The following MARCHF3 variants were observed in gnomAD, a reference collection of about 807,000 sequenced individuals.
The protein encoded by MARCHF3 is membrane associated ring-CH-type finger 3.
In MARCHF3, 13 loss-of-function variants were observed where a neutral mutation model predicts 24.2. That is an observed-to-expected ratio of 0.54 (90% confidence interval 0.35 to 0.85). MARCHF3 has a LOEUF of 0.85. Among genes scored for constraint, MARCHF3 ranks in the 40% least tolerant of loss-of-function variants. The pLI, the probability that MARCHF3 is intolerant of heterozygous loss-of-function variation, is 0.01. For synonymous variants in MARCHF3, 144 were observed against 137.3 expected (o/e 1.05, Z -0.34); for missense variants, 276 against 325.0 (o/e 0.85, Z 1.16).
At chr5:126,952,603 CCCA>C (rs1297569280) in intron 1 of MARCHF3, among the ~76,000 whole-genome samples, 2 of 152,074 alleles carry the variant, frequency 1.3e-5, no homozygotes, top group Non-Finnish European at 2.9e-5. Context: ...CCCTCCTTTC[CCCA>C]CGTTTTGTTA....
intron 1 of MARCHF3, among the ~76,000 whole-genome samples, chr5:126,919,990 T>C (rs988559204): frequency 2.6e-5 from 4 of 152,212 alleles, no homozygotes; most frequent in South Asian, 2.1e-4. Context: ...CACAGTCAGT[T>C]AGTTGGTATA....
chr5:126,887,388 C>T (rs982513003), intron 3 of MARCHF3, among the ~76,000 whole-genome samples: 3 of 152,182 alleles, frequency 2.0e-5, no homozygotes, highest in Non-Finnish European at 4.4e-5. Context: ...ACAGATATTT[C>T]GTATCCCATT....
At position 126,907,976 on chromosome 5, in the gene MARCHF3, A is replaced by G. The variant is rs7711250; in HGVS notation, c.393+6954T>C. ...GCTGGTACCGGTTGTTCCTTTCCAT[A>G]TTTAGCACTTCCTTCAGGAGCTCTT... On this transcript the variant is annotated intron_variant, in intron 3 of 4. Coordinates refer to ENST00000308660, the MANE Select transcript of MARCHF3 (RefSeq NM_178450.5). 6.4e-3 allele frequency among the ~76,000 whole-genome samples: 974 copies of G among 152,038 alleles called. 9 individuals carry two copies. Among genetic ancestry groups the G allele is most frequent in the African/African-American group, 0.021 (879 of 41,420 alleles).
chr5:126,895,998 G>C (rs1418301791), intron 3 of MARCHF3, among the ~76,000 whole-genome samples: 1 of 152,152 alleles, frequency 6.6e-6, no homozygotes, highest in African/African-American at 2.4e-5. Flanking sequence ...AGCCAGGTGC[G>C]GGATATAATC....
At chr5:126,995,616 T>C (rs1751926193) in intron 1 of MARCHF3, among the ~76,000 whole-genome samples, 1 of 152,264 alleles carries the variant, frequency 6.6e-6, no homozygotes, top group Non-Finnish European at 1.5e-5. Flanking sequence ...CTGAACAATA[T>C]TCACATCCTG....
In MARCHF3 at chr5:126,870,446, T is replaced by C; in HGVS notation, c.*187A>G. On this transcript the variant is annotated 3_prime_UTR_variant, in exon 5 of 5. Coordinates refer to ENST00000308660, the MANE Select transcript of MARCHF3 (RefSeq NM_178450.5). ...TCATATGATTGCAGCATCCATCATT[T>C]GAAGTAAAACAGCATTTGCTTTCTT... 1.9e-6 allele frequency: 1 copy of C among 520,274 alleles called. No homozygotes were observed. The highest frequency in any genetic ancestry group is 3.5e-6 in the Non-Finnish European group (1 of 289,172). The allele number at this position is 520,274 out of a possible 1,614,324, so 32.2% of individuals were successfully genotyped here.
At chr5:126,939,665 T>G (rs1749765004) in intron 1 of MARCHF3, among the ~76,000 whole-genome samples, 1 of 152,142 alleles carries the variant, frequency 6.6e-6, no homozygotes, top group Non-Finnish European at 1.5e-5. Context: ...TTAAACAGAG[T>G]CAGTTCTTGT....
intron 4 of MARCHF3, among the ~76,000 whole-genome samples, chr5:126,876,335 A>G (rs1205887520): frequency 1.3e-5 from 2 of 152,196 alleles, no homozygotes; most frequent in Non-Finnish European, 2.9e-5. Context: ...AAAATTATAG[A>G]CTAGAAAACC....
intron 4 of MARCHF3, among the ~76,000 whole-genome samples, chr5:126,872,689 C>A (rs1368818478): frequency 6.6e-6 from 1 of 152,096 alleles, no homozygotes; most frequent in Non-Finnish European, 1.5e-5. Context: ...GTCTTCATGG[C>A]AGGATCATGA....
chr5:126,874,392 G>A (rs1013130870), intron 4 of MARCHF3, among the ~76,000 whole-genome samples: 4 of 152,126 alleles, frequency 2.6e-5, no homozygotes, highest in Admixed American at 2.6e-4. Flanking sequence ...GTTTGAGACT[G>A]CCTGACCAAC....
intron 1 of MARCHF3, among the ~76,000 whole-genome samples, chr5:126,922,708 G>C (rs1196478752): frequency 6.6e-6 from 1 of 151,918 alleles, no homozygotes. Context: ...CACCATGCCT[G>C]GCTAATTTTT....
chr5:127,006,152 G>A (rs541846553), intron 1 of MARCHF3, among the ~76,000 whole-genome samples: 3 of 148,214 alleles, frequency 2.0e-5, no homozygotes, highest in Non-Finnish European at 3.0e-5. Flanking sequence ...GCAGTGAGCC[G>A]AGATCGCACC....
At chr5:126,914,844 C>T (rs1475946308) in intron 3 of MARCHF3, 86 bp downstream of exon 3, 1 of 1,326,762 alleles carries the variant, frequency 7.5e-7, no homozygotes, top group African/African-American at 1.5e-5. Context: ...TTCAGTAAAG[C>T]TGTACAGGGC....
At position 127,012,711 on chromosome 5, in the gene MARCHF3, C is replaced by T. The variant is rs115947571; in HGVS notation, c.-57+17639G>A. ...GCAAATACCTAGCAAGAAAGCCTTA[C>T]AATACAACAAAATATGCCTGAGGGT... On this transcript the variant is annotated intron_variant, in intron 1 of 4. Coordinates refer to ENST00000308660, the MANE Select transcript of MARCHF3 (RefSeq NM_178450.5). 2.6e-3 allele frequency among the ~76,000 whole-genome samples: 398 copies of T among 152,274 alleles called. 2 individuals are homozygous for T. Among genetic ancestry groups the T allele is most frequent in the African/African-American group, 9.1e-3 (380 of 41,562 alleles).
At chr5:127,011,660 C>T (rs1461604192) in intron 1 of MARCHF3, among the ~76,000 whole-genome samples, 1 of 152,252 alleles carries the variant, frequency 6.6e-6, no homozygotes, top group African/African-American at 2.4e-5. Flanking sequence ...GTGTAGTTTT[C>T]CCCCACATCC....
intron 1 of MARCHF3, among the ~76,000 whole-genome samples, chr5:127,005,133 CTTTTTTTTTT>C (rs937505290): frequency 8.2e-6 from 1 of 122,542 alleles, no homozygotes; most frequent in African/African-American, 3.2e-5. Flanking sequence ...CTCAGAAAGT[CTTTTTTTTTT>C]TTTTTTTTTT....
At chr5:126,970,229 G>A (rs982705937) in intron 1 of MARCHF3, among the ~76,000 whole-genome samples, 2 of 151,654 alleles carry the variant, frequency 1.3e-5, no homozygotes, top group South Asian at 2.1e-4. Flanking sequence ...CTGGGATTAC[G>A]GGCACATGCC....
In MARCHF3 at chr5:126,870,479, A is replaced by T; in HGVS notation, c.*154T>A. The T allele has an allele frequency of 1.7e-6, 1 of 584,538 alleles. No individual in the cohort carries two copies. The highest frequency in any genetic ancestry group is 3.0e-6 in the Non-Finnish European group (1 of 328,612). The allele number at this position is 584,538 out of a possible 1,614,324, so 36.2% of individuals were successfully genotyped here. A position where few individuals can be genotyped will look rare whatever the true frequency, so the allele number is the denominator to read the frequency against. On this transcript the variant is annotated 3_prime_UTR_variant, in exon 5 of 5. Coordinates refer to ENST00000308660, the MANE Select transcript of MARCHF3 (RefSeq NM_178450.5). ...AACAGCATTTGCTTTCTTCTGGCGG[A>T]GGTTGTTGCTTGGAGTGATGTGCTA... is the stretch of plus-strand genomic sequence containing the variant.
intron 1 of MARCHF3, among the ~76,000 whole-genome samples, chr5:126,952,452 C>T (rs771185677): frequency 2.4e-4 from 36 of 152,094 alleles, no homozygotes; most frequent in Non-Finnish European, 4.1e-4. Context: ...GTCCTGGTAA[C>T]CTCTTGTAAC....
Sources: allele counts gnomAD v4.1 joint callset (sites outside exome capture counted in the v4.1 genomes callset), GRCh38; gene constraint gnomAD v4.1.1; transcripts MANE v1.5; gene names NCBI Gene and HGNC (gene_info 2026-07-23, HGNC 2026-07-21).